SWT1: variants seen among roughly 807,000 people sequenced by gnomAD.
The protein encoded by SWT1 is SWT1 RNA endoribonuclease homolog, also known as transcriptional protein SWT1.
In SWT1, 33 loss-of-function variants were observed where a neutral mutation model predicts 107.3. The ratio of observed to expected loss-of-function variants is 0.31; its 90% CI spans 0.23 to 0.41. The LOEUF is 0.41. Among genes scored for constraint, SWT1 ranks in the 10% least tolerant of loss-of-function variants. The probability of loss-of-function intolerance (pLI) is 1.00; values close to 1 mark genes in which losing one functional copy is unlikely to be tolerated. For synonymous variants in SWT1, 345 were observed against 348.3 expected, an observed-to-expected ratio of 0.99 and a Z score of 0.11; for missense variants, 898 against 1,028.9, an observed-to-expected ratio of 0.87 and a Z score of 1.74.
chr1:185,167,087 T>C (rs1459983798), intron 3 of SWT1, among the ~76,000 whole-genome samples: 3 of 152,168 alleles, frequency 2.0e-5, no homozygotes, highest in African/African-American at 4.8e-5. Flanking sequence ...TTTGTATTTT[T>C]AGTAGAGAAA....
At chr1:185,273,327 C>T (rs1664016392) in intron 17 of SWT1, among the ~76,000 whole-genome samples, 1 of 151,844 alleles carries the variant, frequency 6.6e-6, no homozygotes, top group African/African-American at 2.4e-5. Context: ...ATTGCTTGGA[C>T]CTGGGAGGTG....
intron 18 of SWT1, chr1:185,281,342 C>T: frequency 4.3e-6 from 1 of 234,794 alleles, no homozygotes; most frequent in Admixed American, 4.3e-5. Context: ...ACTACAACCA[C>T]AAAAACATTT....
Position 185,190,604 on chromosome 1 carries a change from C to T in SWT1, c.1485C>T (p.His495=). Residue 495 remains histidine (H), a synonymous_variant, in exon 10 of 19, where the codon CAC becomes CAT. Transcript: ENST00000367500. ...DDRVLKCCLQ[H]QELFPCSFVI... Reference sequence around the variant, plus strand: ...GAGTACTAAAATGCTGTCTCCAGCACCAGGAATTATTCCCTTGTTCTTTTG... The same window carrying T: ...GAGTACTAAAATGCTGTCTCCAGCATCAGGAATTATTCCCTTGTTCTTTTG... 6.2e-7 allele frequency: 1 copy of T among 1,610,624 alleles called. No individual in the cohort carries two copies. Among genetic ancestry groups the T allele is most frequent in the African/African-American group, 1.3e-5 (1 of 74,936 alleles).
chr1:185,178,613 T>C (rs1003322791), intron 5 of SWT1, among the ~76,000 whole-genome samples: 1 of 152,176 alleles, frequency 6.6e-6, no homozygotes, highest in African/African-American at 2.4e-5. Context: ...GGAAAATTCA[T>C]TGTAGTCACT....
At chr1:185,270,914 T>C (rs1215346482) in intron 16 of SWT1, among the ~76,000 whole-genome samples, 2 of 152,214 alleles carry the variant, frequency 1.3e-5, no homozygotes, top group South Asian at 2.1e-4. Context: ...AGTTGTCTGT[T>C]TGGACTGGTT....
rs373472280 is a variant in SWT1 at position 185,168,520 on chromosome 1, A to G, written c.224+122A>G. ...GCTTTGCATGCAAATATCTCTAGCTATATAACTGATTATGATTATAGAATT... is the reference window on the plus strand; with the variant it reads ...GCTTTGCATGCAAATATCTCTAGCTGTATAACTGATTATGATTATAGAATT... On this transcript the variant is annotated intron_variant, in intron 4 of 18. Coordinates refer to ENST00000367500, the MANE Select transcript of SWT1 (RefSeq NM_017673.7). 35 of 388,110 alleles carry G rather than the reference A, an allele frequency of 9.0e-5. 1 individual carries two copies. In the South Asian group the frequency reaches 1.8e-3, roughly 21 times the overall value. 24.0% of individuals were successfully genotyped at this position (388,110 alleles called of 1,614,324 possible). A position where few individuals can be genotyped will look rare whatever the true frequency, so the allele number is the denominator to read the frequency against.
intron 16 of SWT1, among the ~76,000 whole-genome samples, chr1:185,269,857 T>TA (rs913887935): frequency 1.3e-5 from 2 of 152,238 alleles, no homozygotes; most frequent in African/African-American, 4.8e-5. Flanking sequence ...ACCATGGGGT[T>TA]AGGGTTATCT....
intron 16 of SWT1, among the ~76,000 whole-genome samples, chr1:185,241,189 A>T (rs964014255): frequency 2.6e-5 from 4 of 152,180 alleles, no homozygotes; most frequent in African/African-American, 9.6e-5. Context: ...AATGTGTAGA[A>T]AATAAAGACC....
At chr1:185,189,518 C>A (rs1401941027) in intron 9 of SWT1, among the ~76,000 whole-genome samples, 1 of 152,136 alleles carries the variant, frequency 6.6e-6, no homozygotes, top group Non-Finnish European at 1.5e-5. Context: ...TATTAGTTCA[C>A]AGACTTCTTA....
chr1:185,279,502 T>G (rs1042574222), intron 18 of SWT1, among the ~76,000 whole-genome samples: 1 of 152,170 alleles, frequency 6.6e-6, no homozygotes, highest in African/African-American at 2.4e-5. Flanking sequence ...GAAGGATGAT[T>G]TTAAAGAGAA....
In SWT1 at chr1:185,290,884, C is replaced by A; in HGVS notation, c.*81C>A. On this transcript the variant is annotated 3_prime_UTR_variant, in exon 19 of 19. Transcript: ENST00000367500. ...TTTTCAATCTGGTCACTCTTTTGGG[C>A]CAAACCCAAGAGAATTTTAAGAAAT... 3.3e-6 allele frequency: 4 copies of A among 1,201,730 alleles called. No homozygotes were observed. Among genetic ancestry groups the A allele is most frequent in the South Asian group, 1.7e-5 (1 of 59,400 alleles). The allele number at this position is 1,201,730 out of a possible 1,614,324, so 74.4% of individuals were successfully genotyped here.
chr1:185,175,211 T>C, intron 5 of SWT1, 98 bp downstream of exon 5: 1 of 1,097,116 alleles, frequency 9.1e-7, no homozygotes. Context: ...TGTTTTTTTT[T>C]TTTTTTGTTG....
intron 16 of SWT1, chr1:185,264,381 A>T: frequency 1.0e-6 from 1 of 985,350 alleles, no homozygotes; most frequent in Non-Finnish European, 1.2e-6. Context: ...GAGATGCCTT[A>T]TGAGAAGAGA....
chr1:185,174,372 A>G lies in SWT1; in HGVS notation c.225A>G (p.Arg75=). The stretch of plus-strand genomic sequence containing the variant: ...CCTAGGTTTCTGTGCTGTTTTACAG[A>G]TTGAGTGTAGAAATTGACACTCTCA... The part of the protein sequence containing the change: ...YNIKRRQGLK[R]LSVEIDTLRR... The change falls in exon 5 of 19, where the codon AGA becomes AGG. Residue 75 remains arginine, a splice_region_variant and synonymous_variant. Coordinates refer to ENST00000367500, the MANE Select transcript of SWT1 (RefSeq NM_017673.7). The G allele has an allele frequency of 1.3e-6, 2 of 1,536,896 alleles. No individual in the cohort carries two copies. Among genetic ancestry groups the G allele is most frequent in the Non-Finnish European group, 1.7e-6 (2 of 1,149,930 alleles).
chr1:185,214,731 G>A (rs538140587), intron 14 of SWT1, 76 bp downstream of exon 14: 9 of 1,207,774 alleles, frequency 7.5e-6, no homozygotes, highest in East Asian at 2.5e-5. Context: ...GACAACAGTA[G>A]GTAAAGGATA....
chr1:185,206,741 C>A lies in SWT1; in HGVS notation c.1950C>A (p.Ser650Arg). The change falls in exon 13 of 19, where the codon AGC becomes AGA. Residue 650 changes from serine (S) to arginine (R), a missense_variant. Physicochemically the swap from Ser to Arg is moderately radical, Grantham distance 110 (BLOSUM62 -1). This residue lies in a region of SWT1 where 382 missense variants were observed against 460.0 expected (regional missense o/e 0.83). Coordinates refer to ENST00000367500, the MANE Select transcript of SWT1 (RefSeq NM_017673.7). Reference protein sequence around the residue: ...MEKNLLLTIESLYKNLRKANK... With the variant: ...MEKNLLLTIERLYKNLRKANK... ...AGAACTTGCTTTTAACTATTGAGAGCCTATACAAAAATCTCCGTAAAGGTA... is the reference window on the plus strand; with the variant it reads ...AGAACTTGCTTTTAACTATTGAGAGACTATACAAAAATCTCCGTAAAGGTA... 1.3e-6 allele frequency: 2 copies of A among 1,598,532 alleles called. No homozygotes were observed. The highest frequency in any genetic ancestry group is 1.7e-6 in the Non-Finnish European group (2 of 1,173,834).
At chr1:185,169,437 C>G (rs1466223765) in intron 4 of SWT1, among the ~76,000 whole-genome samples, 2 of 151,948 alleles carry the variant, frequency 1.3e-5, no homozygotes, top group Non-Finnish European at 2.9e-5. Flanking sequence ...CGTATTAATT[C>G]AGCTCTAGAG....
At position 185,204,912 on chromosome 1, in the gene SWT1, G is replaced by T. The variant is rs201977170; in HGVS notation, c.1833+49G>T. The T allele has an allele frequency of 8.0e-6, 9 of 1,123,442 alleles. No individual in the cohort carries two copies. The Admixed American group carries it at 2.0e-4, about 25-fold the overall frequency. The allele number at this position is 1,123,442 out of a possible 1,614,324, so 69.6% of individuals were successfully genotyped here. A position where few individuals can be genotyped will look rare whatever the true frequency, so the allele number is the denominator to read the frequency against. ...TGAAAATTTCTTTTTTATTGCTGAA[G>T]ATTTGTTATCTTAAGAAATATTACT... On this transcript the variant is annotated intron_variant, in intron 12 of 18. Transcript: ENST00000367500.
At chr1:185,187,377 TAAG>T (rs1461137749) in intron 9 of SWT1, among the ~76,000 whole-genome samples, 1 of 152,056 alleles carries the variant, frequency 6.6e-6, no homozygotes, top group Non-Finnish European at 1.5e-5. Flanking sequence ...TTTTTTATAA[TAAG>T]GTAAAAATAA....
Sources: gnomAD v4.1 joint callset for allele counts (sites outside exome capture counted in the v4.1 genomes callset) on GRCh38, gnomAD v4.1.1 for gene constraint, gnomAD v4.1.1 regional missense constraint, MANE v1.5 for transcripts, NCBI Gene and HGNC (gene_info 2026-07-23, HGNC 2026-07-21) for gene names.